The following PCDH15 variants were observed in gnomAD, a reference collection of about 807,000 sequenced individuals.
PCDH15 encodes protocadherin-15.
A neutral mutation model predicts 178.5 loss-of-function variants in PCDH15; 129 were observed. The ratio of observed to expected loss-of-function variants is 0.72; its 90% CI spans 0.63 to 0.84. The LOEUF (loss-of-function observed/expected upper bound fraction) is 0.84. Among genes scored for constraint, PCDH15 ranks in the 40% least tolerant of loss-of-function variants. The pLI, the probability that PCDH15 is intolerant of heterozygous loss-of-function variation, is 0.00. For missense variants in PCDH15, 2,230 were observed against 2,099.9 expected, an observed-to-expected ratio of 1.06 and a Z score of -1.21; for synonymous variants, 800 against 732.0, an observed-to-expected ratio of 1.09 and a Z score of -1.50.
chr10:54,389,825 G>A (rs535760323), intron 3 of PCDH15, among the ~76,000 whole-genome samples: 5 of 151,888 alleles, frequency 3.3e-5, no homozygotes, highest in Non-Finnish European at 5.9e-5. Flanking sequence ...GGTGGTGGGC[G>A]CCTGTAATCC....
intron 5 of PCDH15, among the ~76,000 whole-genome samples, chr10:54,348,062 A>T (rs1450288170): frequency 6.6e-6 from 1 of 151,856 alleles, no homozygotes; most frequent in Non-Finnish European, 1.5e-5. Context: ...GTTAGCAAGG[A>T]TGGTCTCGAT....
chr10:55,101,040 T>A (rs1358000311), intron 2 of PCDH15, among the ~76,000 whole-genome samples: 2 of 152,162 alleles, frequency 1.3e-5, no homozygotes, highest in Admixed American at 6.6e-5. Context: ...ATCACTTATA[T>A]GTTATTCAGT....
chr10:54,256,941 A>G (rs7069439), intron 8 of PCDH15, among the ~76,000 whole-genome samples: 104,107 of 151,850 alleles, frequency 0.69, 36,660 homozygotes, highest in Middle Eastern at 0.76. Context: ...TCCCTGAAGC[A>G]GTAAAATAAC....
chr10:54,220,705 G>C (rs549212466), intron 9 of PCDH15, among the ~76,000 whole-genome samples: 1 of 152,112 alleles, frequency 6.6e-6, no homozygotes, highest in South Asian at 2.1e-4. Context: ...GGCGCCTGTA[G>C]TCCTAGCTAC....
intron 2 of PCDH15, among the ~76,000 whole-genome samples, chr10:55,372,881 C>A (rs1315849145): frequency 6.6e-6 from 1 of 152,008 alleles, no homozygotes; most frequent in East Asian, 1.9e-4. Flanking sequence ...TAAAAACATT[C>A]TATTTATTAC....
chr10:55,194,484 G>T (rs1190782619), intron 1 of PCDH15, among the ~76,000 whole-genome samples: 1 of 151,942 alleles, frequency 6.6e-6, no homozygotes, highest in Non-Finnish European at 1.5e-5. Context: ...TCCTTAAATT[G>T]CAAAGCCCAA....
chr10:54,618,769 A>G (rs2093264537), intron 2 of PCDH15, among the ~76,000 whole-genome samples: 1 of 152,104 alleles, frequency 6.6e-6, no homozygotes, highest in South Asian at 2.1e-4. Context: ...TATTATTACA[A>G]AAGTATGTGC....
intron 2 of PCDH15, among the ~76,000 whole-genome samples, chr10:54,937,623 C>A (rs572358569): frequency 6.6e-6 from 1 of 151,902 alleles, no homozygotes; most frequent in South Asian, 2.1e-4. Context: ...GTTTGTGAAT[C>A]ACTAATGCAT....
intron 3 of PCDH15, among the ~76,000 whole-genome samples, chr10:54,487,706 T>C (rs2079213472): frequency 6.6e-6 from 1 of 151,926 alleles, no homozygotes. Context: ...TACAGTTTTC[T>C]AAAAGGATCC....
At chr10:55,115,876 T>C (rs1050037907) in intron 2 of PCDH15, among the ~76,000 whole-genome samples, 2 of 152,232 alleles carry the variant, frequency 1.3e-5, no homozygotes, top group African/African-American at 4.8e-5. Flanking sequence ...AGTAGCTCCA[T>C]CTTTCTTTTC....
At chr10:55,264,030 G>A (rs1157908611) in intron 1 of PCDH15, among the ~76,000 whole-genome samples, 3 of 151,932 alleles carry the variant, frequency 2.0e-5, no homozygotes, top group Non-Finnish European at 2.9e-5. Flanking sequence ...CACCGCCCCG[G>A]GCCTGTTTTT....
chr10:53,945,142 T>C (rs1420147464), intron 23 of PCDH15, among the ~76,000 whole-genome samples: 1 of 152,192 alleles, frequency 6.6e-6, no homozygotes, highest in East Asian at 1.9e-4. Flanking sequence ...CTGTGTATTT[T>C]CAAAATTAAT....
intron 1 of PCDH15, among the ~76,000 whole-genome samples, chr10:54,738,722 A>G (rs77835211): frequency 0.036 from 5,500 of 152,188 alleles, 343 homozygotes; most frequent in African/African-American, 0.13. Context: ...AAGTGAATTC[A>G]TCCCAGAGAC....
At chr10:55,455,513 A>T (rs1839530953) in intron 2 of PCDH15, among the ~76,000 whole-genome samples, 1 of 152,276 alleles carries the variant, frequency 6.6e-6, no homozygotes, top group Admixed American at 6.5e-5. Flanking sequence ...CCATAGCACA[A>T]TTCTAATATT....
intron 2 of PCDH15, among the ~76,000 whole-genome samples, chr10:55,141,732 C>T (rs1272222898): frequency 2.0e-5 from 3 of 151,836 alleles, no homozygotes; most frequent in Admixed American, 2.0e-4. Flanking sequence ...AGCTGTTCAA[C>T]ATTAAAGGAA....
intron 3 of PCDH15, among the ~76,000 whole-genome samples, chr10:54,524,040 T>C (rs1402534773): frequency 1.3e-5 from 2 of 152,156 alleles, no homozygotes; most frequent in Non-Finnish European, 2.9e-5. Flanking sequence ...AAGCCAGTAA[T>C]TGAACTTTGG....
At chr10:54,853,285 GTGTGTATATATA>G (rs751209408) in intron 3 of PCDH15, among the ~76,000 whole-genome samples, 4 of 85,288 alleles carry the variant, frequency 4.7e-5, no homozygotes, top group South Asian at 3.2e-4. Flanking sequence ...GTGTATGTAT[GTGTGTATATATA>G]TATATATATA....
chr10:55,103,096 TTC>T (rs2132047827), intron 2 of PCDH15, among the ~76,000 whole-genome samples: 1 of 149,788 alleles, frequency 6.7e-6, no homozygotes, highest in African/African-American at 2.5e-5. Flanking sequence ...ATATGGTAAT[TTC>T]TCTCTGATTT....
chr10:55,059,280 G>A (rs749923268), intron 2 of PCDH15, among the ~76,000 whole-genome samples: 1 of 152,084 alleles, frequency 6.6e-6, no homozygotes, highest in Non-Finnish European at 1.5e-5. Context: ...AACTACAAAT[G>A]TTGTCATTTA....
Sources: gnomAD v4.1 joint callset for allele counts (sites outside exome capture counted in the v4.1 genomes callset) on GRCh38, gnomAD v4.1.1 for gene constraint, MANE v1.5 for transcripts, NCBI Gene and HGNC (gene_info 2026-07-23, HGNC 2026-07-21) for gene names.